GRM4: variants seen among roughly 807,000 people sequenced by gnomAD.
GRM4 encodes metabotropic glutamate receptor 4.
Under a neutral mutation model 81.7 loss-of-function variants are expected in GRM4, and 28 were observed. The observed-to-expected ratio is 0.34, with a 90% confidence interval of 0.25 to 0.47. GRM4 has a LOEUF of 0.47. GRM4 is among the 20% of genes least tolerant of loss of function. GRM4 has a pLI of 1.00. For synonymous variants in GRM4, 488 were observed against 528.8 expected, an observed-to-expected ratio of 0.92 and a Z score of 1.06; for missense variants, 948 against 1,290.0, an observed-to-expected ratio of 0.73 and a Z score of 4.06.
chr6:34,051,395 T>C (rs546499717), intron 6 of GRM4, among the ~76,000 whole-genome samples: 10 of 152,326 alleles, frequency 6.6e-5, no homozygotes, highest in Middle Eastern at 6.8e-3. Flanking sequence ...TCACTGCTGG[T>C]AGCACAGGCT....
chr6:34,099,683 C>T (rs1220803890), intron 2 of GRM4, among the ~76,000 whole-genome samples: 1 of 152,136 alleles, frequency 6.6e-6, no homozygotes, highest in Non-Finnish European at 1.5e-5. Flanking sequence ...CCCACGGAGG[C>T]CTCACACACC....
intron 7 of GRM4, 52 bp from the exon 8 acceptor site, chr6:34,040,366 G>A (rs1170497986): frequency 2.5e-6 from 4 of 1,595,372 alleles, no homozygotes; most frequent in African/African-American, 1.3e-5. Context: ...AGGCAGGGCG[G>A]ATGATGAGCC....
intron 3 of GRM4, among the ~76,000 whole-genome samples, chr6:34,082,916 C>T (rs1421115089): frequency 6.6e-6 from 1 of 152,226 alleles, no homozygotes; most frequent in East Asian, 1.9e-4. Flanking sequence ...CCACTCTATT[C>T]TCCTGCATCA....
intron 6 of GRM4, among the ~76,000 whole-genome samples, chr6:34,043,336 G>A (rs1157790858): frequency 6.6e-6 from 1 of 152,170 alleles, no homozygotes; most frequent in Non-Finnish European, 1.5e-5. Context: ...AAATGGAATG[G>A]ACGATCCCAT....
chr6:34,127,981 T>C (rs1489895575), intron 2 of GRM4, among the ~76,000 whole-genome samples: 1 of 152,150 alleles, frequency 6.6e-6, no homozygotes, highest in African/African-American at 2.4e-5. Context: ...AGGGGGCACA[T>C]GCAGCCCAAC....
chr6:34,113,053 C>T (rs1483973954), intron 2 of GRM4, among the ~76,000 whole-genome samples: 1 of 152,174 alleles, frequency 6.6e-6, no homozygotes, highest in Non-Finnish European at 1.5e-5. Context: ...CCATTTACAG[C>T]TTTTACATAC....
chr6:34,125,271 G>T (rs1187331476), intron 2 of GRM4, among the ~76,000 whole-genome samples: 4 of 152,190 alleles, frequency 2.6e-5, no homozygotes. Flanking sequence ...GAATGAGCCT[G>T]TTTGCCCATC....
chr6:34,082,769 G>A (rs1465715169), intron 3 of GRM4, among the ~76,000 whole-genome samples: 1 of 152,256 alleles, frequency 6.6e-6, no homozygotes, highest in East Asian at 1.9e-4. Context: ...TGTAAGTGAA[G>A]GACTATTACT....
At chr6:34,104,039 G>C (rs1439402868) in intron 2 of GRM4, among the ~76,000 whole-genome samples, 1 of 152,262 alleles carries the variant, frequency 6.6e-6, no homozygotes, top group African/African-American at 2.4e-5. Flanking sequence ...ATCCTCAGAA[G>C]AGAAGCTGCC....
chr6:34,103,827 T>C, intron 2 of GRM4: 1 of 1,430,018 alleles, frequency 7.0e-7, no homozygotes, highest in East Asian at 2.5e-5. Context: ...GGCACCACGG[T>C]GAAAGACTGG....
At chr6:34,072,255 A>G (rs936273493) in intron 3 of GRM4, among the ~76,000 whole-genome samples, 3 of 67,620 alleles carry the variant, frequency 4.4e-5, no homozygotes, top group African/African-American at 9.8e-5. Context: ...ACAGATACAC[A>G]GCACACACAG....
At chr6:34,154,165 C>T (rs1771100439) in intron 1 of GRM4, among the ~76,000 whole-genome samples, 1 of 152,340 alleles carries the variant, frequency 6.6e-6, no homozygotes, top group South Asian at 2.1e-4. Flanking sequence ...ACCTCTCCAG[C>T]CCAGGTTTCC....
rs1298986138 is a variant in GRM4, at chr6:34,152,623, G to A, written c.312+2456C>T. The stretch of plus-strand genomic sequence containing the variant: ...TAGACCCCCCAAAGAGGACAAAGCA[G>A]TGCTGGGGAAGAAAAGCCCACACGC... On this transcript the variant is annotated intron_variant, in intron 1 of 8. Transcript: ENST00000374177. This position sits in a 1 kb window ranked among gnomAD's most constrained non-coding sequence, Gnocchi z 4.1. Among the ~76,000 whole-genome samples the A allele has an allele frequency of 6.6e-6, 1 of 152,210 alleles. No individual in the cohort carries two copies. Among genetic ancestry groups the A allele is most frequent in the Non-Finnish European group, 1.5e-5 (1 of 68,038 alleles).
intron 6 of GRM4, among the ~76,000 whole-genome samples, chr6:34,043,228 A>C (rs1217804802): frequency 2.6e-5 from 4 of 152,150 alleles, no homozygotes; most frequent in Non-Finnish European, 5.9e-5. Context: ...CACTTTTTCC[A>C]GGCCAAGGCA....
intron 2 of GRM4, among the ~76,000 whole-genome samples, chr6:34,108,807 G>A (rs893116625): frequency 9.9e-5 from 15 of 152,118 alleles, no homozygotes; most frequent in Admixed American, 4.6e-4. Context: ...GCTGCCCACC[G>A]AGGTCCCCTG....
intron 3 of GRM4, among the ~76,000 whole-genome samples, chr6:34,084,776 T>C (rs777908493): frequency 5.4e-4 from 82 of 152,174 alleles, no homozygotes; most frequent in Non-Finnish European, 1.1e-3. Context: ...CTCCAGGCTT[T>C]TGTTCCTACT....
chr6:34,036,357 A>T lies in GRM4; in HGVS notation c.1753T>A (p.Ser585Thr). ...PIPIIKLEWG[S>T]PWAVLPLFLA... ...AAGAGGGGCAGCACGGCCCAGGGCG[A>T]GCCCCACTCAAGCTTGATGATGGGG... The change falls in exon 9 of 11, where the codon TCG becomes ACG. Residue 585 changes from serine (S) to threonine (T), a missense_variant. By Grantham distance (58) the Ser-to-Thr change is moderately conservative. Transcript: ENST00000538487. The surrounding 1 kb of genome is among the most constrained non-coding windows in gnomAD (Gnocchi z 9.0). The T allele has an allele frequency of 6.2e-7, 1 of 1,613,342 alleles. No homozygotes were observed. Among genetic ancestry groups the T allele is most frequent in the Non-Finnish European group, 8.5e-7 (1 of 1,179,626 alleles).
chr6:34,027,551 C>T (rs1447842029), intron 10 of GRM4, among the ~76,000 whole-genome samples: 1 of 152,234 alleles, frequency 6.6e-6, no homozygotes, highest in Non-Finnish European at 1.5e-5. Context: ...CTGGCCGGCC[C>T]ATGTCCCGGG....
At chr6:34,046,876 A>G (rs574239642) in intron 6 of GRM4, among the ~76,000 whole-genome samples, 1 of 152,284 alleles carries the variant, frequency 6.6e-6, no homozygotes, top group Admixed American at 6.5e-5. Flanking sequence ...ATGAGCCACA[A>G]ATATACACCT....
Sources: gnomAD v4.1 joint callset for allele counts (sites outside exome capture counted in the v4.1 genomes callset) on GRCh38, gnomAD v4.1.1 for gene constraint, Gnocchi (gnomAD v3.1) non-coding constraint, MANE v1.5 for transcripts, NCBI Gene and HGNC (gene_info 2026-07-23, HGNC 2026-07-21) for gene names.